Variants in CELF1 observed in about 807,000 individuals in gnomAD.
CELF1 encodes the protein CUGBP Elav-like family member 1, also known as 50 kDa nuclear polyadenylated RNA-binding protein.
CELF1 carries 10 observed loss-of-function variants against 61.8 expected under a neutral mutation model. The ratio of observed to expected loss-of-function variants is 0.16; its 90% CI spans 0.10 to 0.27. The LOEUF (loss-of-function observed/expected upper bound fraction) is 0.27, where lower values mean the gene tolerates loss of function less well. Ranked by LOEUF, CELF1 falls within the 10% of genes least tolerant of loss-of-function variation. CELF1 has a pLI of 1.00. For synonymous variants in CELF1, 236 were observed against 225.1 expected (o/e 1.05, Z -0.43); for missense variants, 380 against 639.1 (o/e 0.59, Z 4.37).
At chr11:47,492,749 C>G (rs944907521) in intron 3 of CELF1, among the ~76,000 whole-genome samples, 3 of 151,916 alleles carry the variant, frequency 2.0e-5, no homozygotes, top group African/African-American at 7.3e-5. Context: ...AAAAGGCAGC[C>G]CTATCACTAG....
At chr11:47,517,248 AAAAC>A (rs1426142025) in intron 1 of CELF1, among the ~76,000 whole-genome samples, 5 of 148,470 alleles carry the variant, frequency 3.4e-5, no homozygotes, top group Non-Finnish European at 7.4e-5. Context: ...CCTGTCTAAA[AAAAC>A]AAACAGAGAA....
chr11:47,483,542 G>A lies in CELF1; in HGVS notation c.527-10C>T, dbSNP rs2084737316. On this transcript the variant is annotated splice_polypyrimidine_tract_variant and intron_variant, in intron 7 of 14. Transcript: ENST00000687097. ...GTCACAAATGCACAACCTGGTAAGAGAAGAGTCAGTAACTCATGCATTCAT... is the reference window on the plus strand; with the variant it reads ...GTCACAAATGCACAACCTGGTAAGAAAAGAGTCAGTAACTCATGCATTCAT... 1.2e-6 allele frequency: 2 copies of A among 1,608,182 alleles called. No homozygotes were observed. Among genetic ancestry groups the A allele is most frequent in the Non-Finnish European group, 1.7e-6 (2 of 1,174,620 alleles).
intron 4 of CELF1, among the ~76,000 whole-genome samples, chr11:47,488,512 GAC>G (rs2089139178): frequency 6.6e-6 from 1 of 152,150 alleles, no homozygotes. Flanking sequence ...GGTCAAATAA[GAC>G]ACTCACGTGA....
At chr11:47,476,391 C>T (rs932650053) in intron 12 of CELF1, among the ~76,000 whole-genome samples, 34 of 152,148 alleles carry the variant, frequency 2.2e-4, no homozygotes, top group Admixed American at 2.0e-3. Flanking sequence ...AGCTAGCTAA[C>T]GGACACAGGT....
At chr11:47,493,725 G>A (rs920043813) in intron 3 of CELF1, among the ~76,000 whole-genome samples, 2 of 152,034 alleles carry the variant, frequency 1.3e-5, no homozygotes, top group Non-Finnish European at 2.9e-5. Context: ...ACAAGGGAGT[G>A]GGGGTGGGGA....
At chr11:47,552,013 T>TAAAAA (rs78697230) in intron 1 of CELF1, among the ~76,000 whole-genome samples, 1 of 127,142 alleles carries the variant, frequency 7.9e-6, no homozygotes, top group South Asian at 2.5e-4. Context: ...AACTCCGTCT[T>TAAAAA]AAAAAAAAAA....
chr11:47,529,590 T>A (rs2096390749), intron 1 of CELF1, among the ~76,000 whole-genome samples: 1 of 151,506 alleles, frequency 6.6e-6, no homozygotes, highest in African/African-American at 2.4e-5. Flanking sequence ...ACCCAGGAAG[T>A]GGAGGTTGTA....
intron 1 of CELF1, among the ~76,000 whole-genome samples, chr11:47,533,473 T>A (rs941397530): frequency 2.0e-5 from 3 of 152,016 alleles, no homozygotes; most frequent in African/African-American, 7.2e-5. Context: ...ATACAAAAAA[T>A]TAGCCAGGCA....
chr11:47,481,253 G>A (rs1000068775), intron 9 of CELF1, among the ~76,000 whole-genome samples: 10 of 151,092 alleles, frequency 6.6e-5, no homozygotes, highest in African/African-American at 1.2e-4. Context: ...TCAGCTTCCC[G>A]AGCAGCTGGG....
intron 1 of CELF1, among the ~76,000 whole-genome samples, chr11:47,527,754 T>C (rs545553615): frequency 7.2e-5 from 11 of 152,208 alleles, no homozygotes; most frequent in Non-Finnish European, 1.5e-4. Flanking sequence ...TTTAATTACC[T>C]GTATGTTCTC....
intron 1 of CELF1, among the ~76,000 whole-genome samples, chr11:47,541,449 G>C (rs1315648626): frequency 3.3e-5 from 5 of 152,030 alleles, no homozygotes; most frequent in Non-Finnish European, 5.9e-5. Context: ...CCAGCACTTT[G>C]GGAGGCCAAG....
At chr11:47,479,249 A>T (rs935288100) in intron 9 of CELF1, among the ~76,000 whole-genome samples, 1 of 152,162 alleles carries the variant, frequency 6.6e-6, no homozygotes, top group African/African-American at 2.4e-5. Flanking sequence ...GCAGGATAAT[A>T]AGCTAAACTT....
chr11:47,534,679 G>A (rs927223918), intron 1 of CELF1, among the ~76,000 whole-genome samples: 1 of 152,154 alleles, frequency 6.6e-6, no homozygotes, highest in Admixed American at 6.5e-5. Context: ...AGTATGCAGA[G>A]ATCGCACCAC....
rs769340080 is a variant in CELF1 at position 47,470,900 on chromosome 11, C to A, written c.*1330G>T. The A allele has an allele frequency of 6.6e-6, 1 of 152,190 alleles. No individual in the cohort carries two copies. The highest frequency in any genetic ancestry group is 6.6e-5 in the Admixed American group (1 of 15,260). The allele number at this position is 152,190 out of a possible 1,614,324, so 9.4% of individuals were successfully genotyped here. A position where few individuals can be genotyped will look rare whatever the true frequency, so the allele number is the denominator to read the frequency against. ...GAGCTGAAGTAAGACCTGCAAGAGGCGGCAGGGAGCTAACTGTAGCACGAG... is the reference window on the plus strand; with the variant it reads ...GAGCTGAAGTAAGACCTGCAAGAGGAGGCAGGGAGCTAACTGTAGCACGAG... On this transcript the variant is annotated 3_prime_UTR_variant, in exon 15 of 15. Coordinates refer to ENST00000687097, the MANE Select transcript of CELF1 (RefSeq NM_001376376.1).
At chr11:47,475,054 C>T (rs1404751874) in intron 13 of CELF1, among the ~76,000 whole-genome samples, 1 of 152,230 alleles carries the variant, frequency 6.6e-6, no homozygotes, top group Non-Finnish European at 1.5e-5. Flanking sequence ...ACATTCTTGT[C>T]AAATGTGTCA....
intron 1 of CELF1, among the ~76,000 whole-genome samples, chr11:47,532,527 A>G (rs977021898): frequency 2.6e-5 from 4 of 152,224 alleles, no homozygotes; most frequent in Admixed American, 6.5e-5. Context: ...GTTTCTCTGC[A>G]TAACTTTTGT....
intron 1 of CELF1, among the ~76,000 whole-genome samples, chr11:47,546,039 T>G (rs2096937122): frequency 6.6e-6 from 1 of 151,044 alleles, no homozygotes; most frequent in Non-Finnish European, 1.5e-5. Context: ...GCCTCCCAAG[T>G]AGCTGCGACT....
chr11:47,497,607 T>C (rs1439917760), intron 3 of CELF1, among the ~76,000 whole-genome samples: 2 of 152,342 alleles, frequency 1.3e-5, no homozygotes, highest in East Asian at 3.9e-4. Context: ...CTAAAACAGA[T>C]GCAAACGTAC....
chr11:47,516,936 A>G (rs1323509549), intron 1 of CELF1, among the ~76,000 whole-genome samples: 4 of 152,154 alleles, frequency 2.6e-5, no homozygotes, highest in Non-Finnish European at 4.4e-5. Context: ...TATCACTTGC[A>G]AAATATAAAA....
Sources: gnomAD v4.1 joint callset for allele counts (sites outside exome capture counted in the v4.1 genomes callset) on GRCh38, gnomAD v4.1.1 for gene constraint, MANE v1.5 for transcripts, NCBI Gene and HGNC (gene_info 2026-07-23, HGNC 2026-07-21) for gene names.